Variants in AMPD3 observed in about 807,000 individuals in gnomAD.
AMPD3 encodes AMP deaminase 3.
Under a neutral mutation model 82.3 loss-of-function variants are expected in AMPD3, and 57 were observed. That is an observed-to-expected ratio of 0.69 (90% CI 0.56 to 0.86). AMPD3 has a LOEUF of 0.86. Ranked by LOEUF, AMPD3 falls within the 40% of genes least tolerant of loss-of-function variation. The pLI is 0.00. For synonymous variants in AMPD3, 381 were observed against 394.7 expected (o/e 0.97, Z 0.41); for missense variants, 870 against 1,003.8 (o/e 0.87, Z 1.80).
At chr11:10,505,635 C>T (rs1286963717) in intron 14 of AMPD3, 73 bp from the exon 15 acceptor site, 7 of 1,580,718 alleles carry the variant, frequency 4.4e-6, no homozygotes, top group Non-Finnish European at 5.1e-6. Context: ...TGACTGATGT[C>T]AAAGCTGCCC....
At chr11:10,485,870 A>G (rs1849053046) in intron 5 of AMPD3, among the ~76,000 whole-genome samples, 1 of 151,760 alleles carries the variant, frequency 6.6e-6, no homozygotes, top group Non-Finnish European at 1.5e-5. Flanking sequence ...GTGGGCACTT[A>G]GGCTGATCAG....
rs1326261352 is a variant in AMPD3 at position 10,493,396 on chromosome 11, G to T, written c.987G>T (p.Leu329=). ...HAAACMNQKH[L]LRFIKHTYQT... Reference sequence around the variant, plus strand: ...CCGCCTGCATGAACCAAAAGCATCTGCTGCGCTTCATCAAGCACACATACC... The same window carrying T: ...CCGCCTGCATGAACCAAAAGCATCTTCTGCGCTTCATCAAGCACACATACC... Residue 329 remains leucine, a synonymous_variant, in exon 7 of 15, where the codon CTG becomes CTT. Transcript: ENST00000396553. 6.2e-7 allele frequency: 1 copy of T among 1,614,132 alleles called. No individual in the cohort carries two copies. The highest frequency in any genetic ancestry group is 1.3e-5 in the African/African-American group (1 of 74,934).
At chr11:10,480,891 G>C (rs1365832640) in intron 3 of AMPD3, among the ~76,000 whole-genome samples, 1 of 152,182 alleles carries the variant, frequency 6.6e-6, no homozygotes, top group Non-Finnish European at 1.5e-5. Flanking sequence ...CATTGTGTCT[G>C]TCTGGCCACT....
intron 2 of AMPD3, among the ~76,000 whole-genome samples, chr11:10,473,136 G>A (rs1848641524): frequency 6.6e-6 from 1 of 152,184 alleles, no homozygotes; most frequent in African/African-American, 2.4e-5. Flanking sequence ...TGGGCATGGT[G>A]GTGTGCGCCT....
At position 10,494,892 on chromosome 11, in the gene AMPD3, C is replaced by G. The variant is rs750374570; in HGVS notation, c.1135-7C>G. 5.8e-5 allele frequency: 94 copies of G among 1,613,006 alleles called. No individual in the cohort carries two copies. The highest frequency in any genetic ancestry group is 6.9e-5 in the Non-Finnish European group (81 of 1,179,180). ...GATGCGTTGATTGGTGTGGTCTCCC[C>G]CCTCAGGGCCGGCAGACATTCCACC... On this transcript the variant is annotated splice_region_variant and splice_polypyrimidine_tract_variant and intron_variant, in intron 7 of 14. Transcript: ENST00000396553.
upstream of AMPD3, chr11:10,450,721 C>T: frequency 1.0e-5 from 11 of 1,103,784 alleles, no homozygotes; most frequent in Non-Finnish European, 1.2e-5. Context: ...GGCCCGGGCG[C>T]TTCAGGTAGC....
intron 1 of AMPD3, chr11:10,461,256 C>T (rs926625581): frequency 7.3e-7 from 1 of 1,372,402 alleles, no homozygotes; most frequent in Admixed American, 2.5e-5. Context: ...AAAATGGAAG[C>T]CCACCTAGTT....
At chr11:10,478,907 G>C (rs1591461092) in intron 3 of AMPD3, among the ~76,000 whole-genome samples, 177 bp downstream of exon 3, 1 of 150,388 alleles carries the variant, frequency 6.6e-6, no homozygotes, top group East Asian at 2.0e-4. Flanking sequence ...GTGTGGGTGT[G>C]GTGTCTCGGT....
chr11:10,459,820 C>A (rs796518599), intron 1 of AMPD3, among the ~76,000 whole-genome samples: 9 of 151,926 alleles, frequency 5.9e-5, no homozygotes, highest in African/African-American at 2.2e-4. Context: ...AACCAGGTGC[C>A]TGGGTTCAGA....
chr11:10,466,420 A>G (rs965609507), intron 2 of AMPD3, among the ~76,000 whole-genome samples: 2 of 152,192 alleles, frequency 1.3e-5, no homozygotes, highest in African/African-American at 2.4e-5. Context: ...AAACAAAGCC[A>G]CCAGGAAGTT....
chr11:10,484,947 G>A lies in AMPD3; in HGVS notation c.717G>A (p.Glu239=). The stretch of plus-strand genomic sequence containing the variant: ...TGTATGATAACAAGAAGATGCTGGA[G>A]CACCAGGAGCCGCACAGCCTACCCT... The part of the protein sequence containing the change: ...LFVYDNKKML[E]HQEPHSLPYP... The change falls in exon 5 of 15, where the codon GAG becomes GAA. Residue 239 remains glutamate, a synonymous_variant. Coordinates refer to ENST00000396553, the MANE Select transcript of AMPD3 (RefSeq NM_001025389.2). 6.2e-7 allele frequency: 1 copy of A among 1,614,096 alleles called. No individual in the cohort carries two copies. The highest frequency in any genetic ancestry group is 8.5e-7 in the Non-Finnish European group (1 of 1,180,014).
intron 13 of AMPD3, 69 bp from the exon 14 acceptor site, chr11:10,504,480 T>C: frequency 6.8e-7 from 1 of 1,475,602 alleles, no homozygotes; most frequent in East Asian, 2.3e-5. Flanking sequence ...GTTGTTAGCT[T>C]TGGACATGTG....
intron 3 of AMPD3, among the ~76,000 whole-genome samples, chr11:10,481,087 G>A (rs1423163468): frequency 6.6e-6 from 1 of 152,168 alleles, no homozygotes; most frequent in East Asian, 1.9e-4. Context: ...GTAGCTTCCT[G>A]GCAAGTGATT....
At chr11:10,496,745 G>T in intron 9 of AMPD3, 67 bp from the exon 10 acceptor site, 3 of 1,612,788 alleles carry the variant, frequency 1.9e-6, no homozygotes, top group Non-Finnish European at 2.5e-6. Flanking sequence ...AAGTGACTGG[G>T]GCTGGTCTCT....
rs533805464 is a variant in AMPD3 at position 10,494,685 on chromosome 11, C to T, written c.1135-214C>T. 2.3e-5 allele frequency: 23 copies of T among 985,340 alleles called. No homozygotes were observed. The South Asian group carries it at 1.0e-3, about 44-fold the overall frequency. 61.0% of individuals were successfully genotyped at this position (985,340 alleles called of 1,614,324 possible). The stretch of plus-strand genomic sequence containing the variant: ...ACTTGCAGGTGGGGCCTCTGCTGTT[C>T]CTTCACAGGGGGCCTTGCCAAAGGA... On this transcript the variant is annotated intron_variant, in intron 7 of 14. Coordinates refer to ENST00000396553, the MANE Select transcript of AMPD3 (RefSeq NM_001025389.2).
rs185785242 is a variant in AMPD3 at position 10,483,609 on chromosome 11, G to C, written c.590-1211G>C. ...GGGAAGAGGAGCAACTTCCGAACAT[G>C]CAGGCTGTAGCTTCACCCGGGCCTT... On this transcript the variant is annotated intron_variant, in intron 4 of 14. Coordinates refer to ENST00000396553, the MANE Select transcript of AMPD3 (RefSeq NM_001025389.2). Among the ~76,000 whole-genome samples, 4 of 152,358 alleles carry C rather than the reference G, an allele frequency of 2.6e-5. No homozygotes were observed. The East Asian group carries it at 7.7e-4, about 29-fold the overall frequency.
chr11:10,481,898 T>C, intron 3 of AMPD3, 165 bp from the exon 4 acceptor site: 1 of 796,758 alleles, frequency 1.3e-6, no homozygotes, highest in Non-Finnish European at 2.2e-6. Flanking sequence ...TACAAGTAGT[T>C]TAGGTGCAAT....
Position 10,461,541 on chromosome 11 carries a change from C to G in AMPD3, c.22C>G (p.Leu8Val). The change falls in exon 2 of 15, where the codon CTG becomes GTG. Residue 8 changes from leucine to valine, a missense_variant. Leu to Val is a conservative substitution (Grantham distance 32). Coordinates refer to ENST00000396553, the MANE Select transcript of AMPD3 (RefSeq NM_001025389.2). ...TGAGATGCCGCGGCAGTTTCCCAAG[C>G]TGAACATCTCTGAAGTGGATGAGCA... MPRQFPKLNISEVDEQVR... is the reference protein window; with the variant it reads MPRQFPKVNISEVDEQVR... The G allele has an allele frequency of 6.2e-7, 1 of 1,614,202 alleles. No homozygotes were observed. Among genetic ancestry groups the G allele is most frequent in the Non-Finnish European group, 8.5e-7 (1 of 1,180,042 alleles).
At chr11:10,483,605 A>G (rs1848979338) in intron 4 of AMPD3, among the ~76,000 whole-genome samples, 1 of 152,250 alleles carries the variant, frequency 6.6e-6, no homozygotes. Context: ...CAACTTCCGA[A>G]CATGCAGGCT....
Sources: gnomAD v4.1 joint callset for allele counts (sites outside exome capture counted in the v4.1 genomes callset) on GRCh38, gnomAD v4.1.1 for gene constraint, MANE v1.5 for transcripts, NCBI Gene and HGNC (gene_info 2026-07-23, HGNC 2026-07-21) for gene names.